The following PCDH15 variants were observed in gnomAD, a reference collection of about 807,000 sequenced individuals.
The protein encoded by PCDH15 is protocadherin-15.
In PCDH15, 129 loss-of-function variants were observed where a neutral mutation model predicts 178.5. The observed-to-expected ratio is 0.72, with a 90% CI of 0.63 to 0.84. The LOEUF (loss-of-function observed/expected upper bound fraction) is 0.84. Ranked by LOEUF, PCDH15 falls within the 40% of genes least tolerant of loss-of-function variation. The pLI, the probability that PCDH15 is intolerant of heterozygous loss-of-function variation, is 0.00. For missense variants in PCDH15, 2,230 were observed against 2,099.9 expected (o/e 1.06, Z -1.21); for synonymous variants, 800 against 732.0 (o/e 1.09, Z -1.50).
At chr10:55,201,292 A>G (rs1358161613) in intron 1 of PCDH15, among the ~76,000 whole-genome samples, 1 of 152,126 alleles carries the variant, frequency 6.6e-6, no homozygotes, top group East Asian at 1.9e-4. Context: ...TGAATAAATC[A>G]CATAATAAGA....
intron 7 of PCDH15, among the ~76,000 whole-genome samples, chr10:54,321,417 TTAAA>T (rs1225611692): frequency 6.6e-6 from 1 of 150,526 alleles, no homozygotes; most frequent in Non-Finnish European, 1.5e-5. Flanking sequence ...ATAATAAATA[TTAAA>T]TATTTATAAT....
At chr10:55,082,406 AAACAC>A (rs1842064361) in intron 2 of PCDH15, among the ~76,000 whole-genome samples, 1 of 151,974 alleles carries the variant, frequency 6.6e-6, no homozygotes, top group Non-Finnish European at 1.5e-5. Context: ...AGGATACAAC[AAACAC>A]AATACTAAGA....
intron 26 of PCDH15, among the ~76,000 whole-genome samples, chr10:53,888,310 G>GTATATGTATA (rs1564690931): frequency 3.5e-5 from 1 of 28,708 alleles, no homozygotes; most frequent in African/African-American, 9.0e-5. Flanking sequence ...ATATATATAT[G>GTATATGTATA]TATATATGTA....
chr10:54,765,976 T>C (rs960421429), intron 1 of PCDH15, among the ~76,000 whole-genome samples: 24 of 152,152 alleles, frequency 1.6e-4, no homozygotes, highest in Admixed American at 1.4e-3. Flanking sequence ...AAATACTCCA[T>C]GATCTGTTGT....
At chr10:53,875,468 G>T (rs1433274844) in intron 26 of PCDH15, among the ~76,000 whole-genome samples, 2 of 151,980 alleles carry the variant, frequency 1.3e-5, no homozygotes, top group South Asian at 2.1e-4. Context: ...ATTTACTAAA[G>T]AATTAATATG....
At chr10:54,300,259 C>A (rs1352084880) in intron 8 of PCDH15, among the ~76,000 whole-genome samples, 4 of 152,170 alleles carry the variant, frequency 2.6e-5, no homozygotes, top group African/African-American at 9.7e-5. Flanking sequence ...ACTCTTATAC[C>A]AACCTCTGGA....
chr10:55,341,672 T>A (rs535002444), intron 2 of PCDH15, among the ~76,000 whole-genome samples: 5 of 146,404 alleles, frequency 3.4e-5, no homozygotes, highest in African/African-American at 1.2e-4. Flanking sequence ...CGGGTTCAAG[T>A]GATTCTCTAG....
intron 27 of PCDH15, among the ~76,000 whole-genome samples, chr10:53,859,023 T>C (rs2078935761): frequency 7.1e-6 from 1 of 141,462 alleles, no homozygotes; most frequent in Non-Finnish European, 1.6e-5. Context: ...TCTTTCTTCC[T>C]TCCCTCTCCT....
intron 18 of PCDH15, among the ~76,000 whole-genome samples, chr10:54,027,727 T>C (rs2135384255): frequency 6.8e-6 from 1 of 147,570 alleles, no homozygotes; most frequent in South Asian, 2.2e-4. Context: ...CTGGGAAAAC[T>C]GGCTAGCCAT....
At chr10:54,895,126 A>G (rs1375564882) in intron 3 of PCDH15, among the ~76,000 whole-genome samples, 1 of 152,212 alleles carries the variant, frequency 6.6e-6, no homozygotes, top group Non-Finnish European at 1.5e-5. Context: ...TAGAATGAAC[A>G]ATAAAAATAA....
At chr10:54,114,715 GC>G (rs2095083449) in intron 15 of PCDH15, among the ~76,000 whole-genome samples, 1 of 152,120 alleles carries the variant, frequency 6.6e-6, no homozygotes, top group Non-Finnish European at 1.5e-5. Context: ...GGAAATGTAA[GC>G]AAAGTCTGCA....
chr10:54,852,261 G>GAGT (rs5785095), intron 3 of PCDH15, among the ~76,000 whole-genome samples: 112,803 of 151,762 alleles, frequency 0.74, 42,134 homozygotes, highest in East Asian at 0.91. Flanking sequence ...TATTCTTGCT[G>GAGT]AGTTCTTAGA....
intron 1 of PCDH15, among the ~76,000 whole-genome samples, chr10:54,782,683 G>A (rs1308344437): frequency 6.6e-6 from 1 of 151,750 alleles, no homozygotes; most frequent in Non-Finnish European, 1.5e-5. Flanking sequence ...GCTTATACAC[G>A]ACCTCAGGGA....
chr10:53,839,472 T>C (rs77804012), intron 29 of PCDH15, among the ~76,000 whole-genome samples: 5,900 of 152,082 alleles, frequency 0.039, 362 homozygotes, highest in African/African-American at 0.13. Context: ...ATATGCTGTT[T>C]AAAAAGTATA....
At chr10:53,812,493 G>A (rs1294988063) in intron 35 of PCDH15, among the ~76,000 whole-genome samples, 1 of 152,186 alleles carries the variant, frequency 6.6e-6, no homozygotes, top group East Asian at 1.9e-4. Context: ...GATTACAGGC[G>A]TGAGCCACTG....
At chr10:54,055,965 T>C (rs189995933) in intron 18 of PCDH15, among the ~76,000 whole-genome samples, 1 of 152,210 alleles carries the variant, frequency 6.6e-6, no homozygotes, top group African/African-American at 2.4e-5. Context: ...CTACTTCTGA[T>C]GACATCAGGT....
At chr10:54,377,974 A>G (rs944063511) in intron 4 of PCDH15, among the ~76,000 whole-genome samples, 2 of 151,762 alleles carry the variant, frequency 1.3e-5, no homozygotes, top group African/African-American at 2.4e-5. Flanking sequence ...GCTGGAGTGC[A>G]TTGGTGTGAT....
At chr10:54,596,502 A>G (rs1174416318) in intron 2 of PCDH15, among the ~76,000 whole-genome samples, 2 of 152,106 alleles carry the variant, frequency 1.3e-5, no homozygotes, top group Non-Finnish European at 2.9e-5. Flanking sequence ...AACCACACAA[A>G]CTCACTTAAG....
intron 25 of PCDH15, among the ~76,000 whole-genome samples, chr10:53,929,017 G>T (rs1177870222): frequency 6.6e-6 from 1 of 151,916 alleles, no homozygotes; most frequent in Non-Finnish European, 1.5e-5. Context: ...AATTTTGCTT[G>T]CCCATGGCAG....
Sources: gnomAD v4.1 joint callset for allele counts (sites outside exome capture counted in the v4.1 genomes callset) on GRCh38, gnomAD v4.1.1 for gene constraint, MANE v1.5 for transcripts, NCBI Gene and HGNC (gene_info 2026-07-23, HGNC 2026-07-21) for gene names.